STARD13: variants seen among roughly 807,000 people sequenced by gnomAD.
STARD13 encodes the protein stAR-related lipid transfer protein 13.
A neutral mutation model predicts 106.4 loss-of-function variants in STARD13; 62 were observed. The observed-to-expected ratio is 0.58, with a 90% CI of 0.48 to 0.72. The LOEUF (loss-of-function observed/expected upper bound fraction) is 0.72, where lower values mean the gene tolerates loss of function less well. Among genes scored for constraint, STARD13 ranks in the 30% least tolerant of loss-of-function variants. The pLI is 0.00. For synonymous variants in STARD13, 565 were observed against 553.0 expected, an observed-to-expected ratio of 1.02 and a Z score of -0.31; for missense variants, 1,387 against 1,424.0, an observed-to-expected ratio of 0.97 and a Z score of 0.42.
chr13:33,471,088 A>G, the STARD13 span, among the ~76,000 whole-genome samples: 9 of 152,152 alleles, frequency 5.9e-5, no homozygotes, highest in Non-Finnish European at 1.2e-4. Context: ...TCCATCTTGA[A>G]TTAATTTTTG....
At chr13:33,656,847 C>T in the STARD13 span, 1 of 152,284 alleles carries the variant, frequency 6.6e-6, no homozygotes, top group Non-Finnish European at 1.5e-5. Context: ...AAACTCTTTC[C>T]TGATCCGGCT....
chr13:33,129,451 GC>G lies in STARD13; in HGVS notation c.1225del (p.Ala409HisfsTer91). On this transcript the variant is annotated frameshift_variant, in exon 5 of 14. Transcript: ENST00000336934. LOFTEE classifies it high-confidence loss of function. ...GGGAGAGAGGCTTTCAATAGAAAGT[GC>G]CTTGGGGAATGTTCCTGGTTTGTGA... is the stretch of plus-strand genomic sequence containing the variant. ...KDHKPGTFPKALSIESLSPTD... is the reference protein window; with the variant it reads ...KDHKPGTFPKXLSIESLSPTD... 1 of 1,614,172 alleles carries G rather than the reference GC, an allele frequency of 6.2e-7. No homozygotes were observed. Among genetic ancestry groups the G allele is most frequent in the Non-Finnish European group, 8.5e-7 (1 of 1,180,038 alleles).
the STARD13 span, among the ~76,000 whole-genome samples, chr13:33,548,213 A>C: frequency 1.3e-5 from 2 of 152,348 alleles, no homozygotes; most frequent in South Asian, 4.1e-4. Flanking sequence ...TGAGCCAAAG[A>C]TAGGGGAAGT....
At chr13:33,621,829 A>C in the STARD13 span, among the ~76,000 whole-genome samples, 2 of 151,278 alleles carry the variant, frequency 1.3e-5, no homozygotes, top group Admixed American at 1.3e-4. Flanking sequence ...TTTTGGACGA[A>C]GTCTCGCTCT....
chr13:33,285,668 C>G lies in STARD13; in HGVS notation c.-30G>C. 1 of 1,608,028 alleles carries G rather than the reference C, an allele frequency of 6.2e-7. No homozygotes were observed. Among genetic ancestry groups the G allele is most frequent in the Non-Finnish European group, 8.5e-7 (1 of 1,177,948 alleles). On this transcript the variant is annotated 5_prime_UTR_variant, in exon 1 of 14. Coordinates refer to ENST00000336934, the MANE Select transcript of STARD13 (RefSeq NM_178006.4). ...GCAGATTTCCTATTGCCACCTCAGT[C>G]TGCCTGTGGCTGTTGCCGTCTGTCT...
chr13:33,142,901 A>G (rs2138237089), intron 3 of STARD13, among the ~76,000 whole-genome samples: 1 of 152,352 alleles, frequency 6.6e-6, no homozygotes, highest in Admixed American at 6.5e-5. Flanking sequence ...ACATATGTGA[A>G]TGTCCAACGT....
At chr13:33,247,513 C>T (rs1357558108) in intron 1 of STARD13, among the ~76,000 whole-genome samples, 1 of 151,912 alleles carries the variant, frequency 6.6e-6, no homozygotes, top group Non-Finnish European at 1.5e-5. Context: ...CTTTTCATAA[C>T]ATGTTTCAGG....
chr13:33,230,318 C>T (rs1888850814), intron 1 of STARD13, among the ~76,000 whole-genome samples: 1 of 152,150 alleles, frequency 6.6e-6, no homozygotes, highest in Admixed American at 6.5e-5. Flanking sequence ...AGGAAAAAGC[C>T]AGTACATGCA....
chr13:33,181,428 C>T (rs1481290063), intron 1 of STARD13, among the ~76,000 whole-genome samples: 2 of 152,170 alleles, frequency 1.3e-5, no homozygotes, highest in Non-Finnish European at 2.9e-5. Flanking sequence ...AACCAGATTG[C>T]ATCTTTACAT....
upstream of STARD13, among the ~76,000 whole-genome samples, chr13:33,353,000 G>A (rs1326714368): frequency 6.6e-6 from 1 of 152,106 alleles, no homozygotes; most frequent in East Asian, 1.9e-4. Flanking sequence ...TCCCATCGCA[G>A]CGGAAGAGGT....
intron 1 of STARD13, among the ~76,000 whole-genome samples, chr13:33,259,679 G>A (rs993984005): frequency 2.6e-5 from 4 of 152,160 alleles, no homozygotes; most frequent in Non-Finnish European, 4.4e-5. Context: ...GTGACAATAC[G>A]CTTGCTTGAG....
At chr13:33,185,977 G>A (rs780274665) in intron 1 of STARD13, 4 of 1,614,218 alleles carry the variant, frequency 2.5e-6, no homozygotes, top group Non-Finnish European at 3.4e-6. Flanking sequence ...CACCACAAAG[G>A]GGCCTGGTTA....
At chr13:33,528,277 CTT>C in the STARD13 span, among the ~76,000 whole-genome samples, 1 of 93,482 alleles carries the variant, frequency 1.1e-5, no homozygotes, top group Non-Finnish European at 1.9e-5. Flanking sequence ...TATATATACT[CTT>C]TTTTTTTTTG....
chr13:33,116,973 G>C (rs748452696), intron 8 of STARD13, among the ~76,000 whole-genome samples: 2 of 152,110 alleles, frequency 1.3e-5, no homozygotes, highest in Non-Finnish European at 2.9e-5. Context: ...GTCCATTTCA[G>C]GCATATTTTG....
chr13:33,521,656 A>C, the STARD13 span, among the ~76,000 whole-genome samples: 1 of 152,152 alleles, frequency 6.6e-6, no homozygotes, highest in Admixed American at 6.6e-5. Flanking sequence ...TTAACACCTG[A>C]GGATATATAT....
At chr13:33,465,201 C>CT in the STARD13 span, among the ~76,000 whole-genome samples, 8,428 of 60,350 alleles carry the variant, frequency 0.14, 615 homozygotes, top group Non-Finnish European at 0.19. Context: ...TGGTCTTCTT[C>CT]TTTTTTTTTT....
At chr13:33,465,101 C>A in the STARD13 span, among the ~76,000 whole-genome samples, 3 of 152,038 alleles carry the variant, frequency 2.0e-5, no homozygotes, top group Admixed American at 6.6e-5. Context: ...CTTCTTCTAG[C>A]CTTTATTTTT....
At chr13:33,241,023 T>G (rs1251207733) in intron 1 of STARD13, among the ~76,000 whole-genome samples, 1 of 152,240 alleles carries the variant, frequency 6.6e-6, no homozygotes, top group Non-Finnish European at 1.5e-5. Context: ...AGAGATACTT[T>G]CATTTATCAC....
intron 1 of STARD13, among the ~76,000 whole-genome samples, chr13:33,334,331 C>A (rs1938435035): frequency 6.6e-6 from 1 of 152,092 alleles, no homozygotes; most frequent in African/African-American, 2.4e-5. Context: ...GAGACAAGGA[C>A]CAGATTGAAA....
Sources: gnomAD v4.1 joint callset for allele counts (sites outside exome capture counted in the v4.1 genomes callset) on GRCh38, gnomAD v4.1.1 for gene constraint, MANE v1.5 for transcripts, NCBI Gene and HGNC (gene_info 2026-07-23, HGNC 2026-07-21) for gene names.